SWAP70: variants seen among roughly 807,000 people sequenced by gnomAD.
The protein encoded by SWAP70 is switching B cell complex subunit SWAP70, also known as switch-associated protein 70.
SWAP70 carries 34 observed loss-of-function variants against 80.2 expected under a neutral mutation model. The observed-to-expected ratio is 0.42, with a 90% CI of 0.32 to 0.56. SWAP70 has a LOEUF of 0.56. SWAP70 is among the 20% of genes least tolerant of loss of function. The pLI, the probability that SWAP70 is intolerant of heterozygous loss-of-function variation, is 0.09. For synonymous variants in SWAP70, 239 were observed against 238.5 expected (o/e 1.00, Z -0.02); for missense variants, 578 against 690.7 (o/e 0.84, Z 1.83).
chr11:9,701,101 C>T (rs192339684), intron 2 of SWAP70, among the ~76,000 whole-genome samples: 3 of 151,620 alleles, frequency 2.0e-5, no homozygotes, highest in Admixed American at 2.0e-4. Flanking sequence ...AATTAATTTT[C>T]AGCTTTCCTG....
chr11:9,724,463 T>C (rs1445277235), intron 3 of SWAP70, among the ~76,000 whole-genome samples, 195 bp from the exon 4 acceptor site: 1 of 152,252 alleles, frequency 6.6e-6, no homozygotes, highest in African/African-American at 2.4e-5. Context: ...CCTTTACTTA[T>C]TCTGCACTAA....
intron 7 of SWAP70, among the ~76,000 whole-genome samples, chr11:9,737,092 G>A (rs1851372812): frequency 6.6e-6 from 1 of 152,238 alleles, no homozygotes; most frequent in South Asian, 2.1e-4. Flanking sequence ...GTGTTAGTGT[G>A]TTGTTCTCAT....
intron 1 of SWAP70, among the ~76,000 whole-genome samples, chr11:9,688,653 A>C (rs555011256): frequency 1.2e-4 from 19 of 152,140 alleles, no homozygotes; most frequent in Non-Finnish European, 2.8e-4. Flanking sequence ...GCAGGGGGAT[A>C]ACGTGATGTT....
At chr11:9,683,632 A>G (rs923109229) in intron 1 of SWAP70, among the ~76,000 whole-genome samples, 5 of 152,104 alleles carry the variant, frequency 3.3e-5, no homozygotes, top group Non-Finnish European at 7.4e-5. Flanking sequence ...GGAGAGAGGA[A>G]ATGAAATTGG....
chr11:9,746,738 GAACTCATCT>G (rs1851516911), intron 9 of SWAP70, among the ~76,000 whole-genome samples: 3 of 152,248 alleles, frequency 2.0e-5, no homozygotes, highest in East Asian at 3.8e-4. Context: ...GTGGATGGGA[GAACTCATCT>G]TAGTATAAGA....
chr11:9,722,399 AAAAGGAACACGTGACCTGG>A (rs926814822), intron 3 of SWAP70, among the ~76,000 whole-genome samples: 3 of 152,246 alleles, frequency 2.0e-5, no homozygotes, highest in Non-Finnish European at 2.9e-5. Context: ...AGTGACCTAG[AAAAGGAACACGTGACCTGG>A]GTTAGGGTTG....
chr11:9,712,485 G>A (rs950116557), intron 2 of SWAP70, among the ~76,000 whole-genome samples: 13 of 152,096 alleles, frequency 8.5e-5, no homozygotes, highest in Non-Finnish European at 1.5e-4. Context: ...CTTAAGGCTA[G>A]GAGTTTGAGA....
intron 5 of SWAP70, among the ~76,000 whole-genome samples, chr11:9,728,875 C>A (rs148070869): frequency 6.6e-6 from 1 of 152,236 alleles, no homozygotes; most frequent in Non-Finnish European, 1.5e-5. Flanking sequence ...TACAAGGTTA[C>A]CAAAGGCCAG....
intron 3 of SWAP70, among the ~76,000 whole-genome samples, chr11:9,718,457 C>G (rs1851093223): frequency 6.6e-6 from 1 of 152,172 alleles, no homozygotes; most frequent in South Asian, 2.1e-4. Context: ...TGGCCTTTGA[C>G]CAAGCACTGC....
At chr11:9,666,598 A>G (rs1212125435) in intron 1 of SWAP70, among the ~76,000 whole-genome samples, 1 of 152,174 alleles carries the variant, frequency 6.6e-6, no homozygotes, top group African/African-American at 2.4e-5. Context: ...ATTAATCTAC[A>G]TACATTGAAA....
At position 9,750,154 on chromosome 11, in the gene SWAP70, C is replaced by G. The variant is rs1055989806; in HGVS notation, c.*184C>G. The G allele has an allele frequency of 5.1e-5, 19 of 370,772 alleles. No homozygotes were observed. Among genetic ancestry groups the G allele is most frequent in the Middle Eastern group, 7.9e-4 (1 of 1,268 alleles). The allele number at this position is 370,772 out of a possible 1,614,324, so 23.0% of individuals were successfully genotyped here. A position where few individuals can be genotyped will look rare whatever the true frequency, so the allele number is the denominator to read the frequency against. On this transcript the variant is annotated 3_prime_UTR_variant, in exon 12 of 12. Transcript: ENST00000318950. Reference sequence around the variant, plus strand: ...GGAGTTCAAGAGCAGCCTGGCCAACCTGGTGAAACCCTGTCTCTACTAAAA... The same window carrying G: ...GGAGTTCAAGAGCAGCCTGGCCAACGTGGTGAAACCCTGTCTCTACTAAAA...
intron 2 of SWAP70, among the ~76,000 whole-genome samples, chr11:9,698,127 G>A (rs1850784449): frequency 7.1e-6 from 1 of 141,354 alleles, no homozygotes; most frequent in Non-Finnish European, 1.5e-5. Context: ...TTGAGACCAG[G>A]TCTCGCTCTG....
chr11:9,732,405 A>G (rs1484296907), intron 6 of SWAP70, 124 bp from the exon 7 acceptor site: 2 of 1,014,408 alleles, frequency 2.0e-6, no homozygotes, highest in African/African-American at 1.7e-5. Flanking sequence ...TGACAAAATC[A>G]GAATCTACAC....
intron 2 of SWAP70, among the ~76,000 whole-genome samples, chr11:9,705,018 CTGGTGATCTGTATACACT>C (rs1850882399): frequency 8.3e-6 from 1 of 120,840 alleles, no homozygotes; most frequent in African/African-American, 3.0e-5. Context: ...TCTGTATACA[CTGGTGATCTGTATACACT>C]TGGTGATCTG....
chr11:9,748,914 T>A (rs1851546859), intron 10 of SWAP70, among the ~76,000 whole-genome samples, 173 bp from the exon 11 acceptor site: 1 of 152,256 alleles, frequency 6.6e-6, no homozygotes, highest in African/African-American at 2.4e-5. Flanking sequence ...TGACCTTCTC[T>A]GAACCCGTTT....
At chr11:9,689,122 T>C (rs1431726294) in intron 1 of SWAP70, among the ~76,000 whole-genome samples, 1 of 152,220 alleles carries the variant, frequency 6.6e-6, no homozygotes, top group Non-Finnish European at 1.5e-5. Flanking sequence ...TCTTGCCCAT[T>C]ACGCACATCC....
At chr11:9,721,685 C>G (rs1851139864) in intron 3 of SWAP70, among the ~76,000 whole-genome samples, 1 of 152,012 alleles carries the variant, frequency 6.6e-6, no homozygotes. Context: ...GTTGCCTAGG[C>G]TGATCTTGAA....
At chr11:9,730,382 C>G (rs2133809350) in intron 6 of SWAP70, among the ~76,000 whole-genome samples, 1 of 149,544 alleles carries the variant, frequency 6.7e-6, no homozygotes, top group Non-Finnish European at 1.5e-5. Context: ...TGGGTTATTT[C>G]AAGAAATACT....
intron 9 of SWAP70, among the ~76,000 whole-genome samples, chr11:9,743,407 A>G (rs561522952): frequency 6.6e-6 from 1 of 152,016 alleles, no homozygotes; most frequent in Non-Finnish European, 1.5e-5. Flanking sequence ...TCCTTTGGGT[A>G]TATACCCAGT....
Sources: allele counts gnomAD v4.1 joint callset (sites outside exome capture counted in the v4.1 genomes callset), GRCh38; gene constraint gnomAD v4.1.1; transcripts MANE v1.5; gene names NCBI Gene and HGNC (gene_info 2026-07-23, HGNC 2026-07-21).